KIF26B: variants seen among roughly 807,000 people sequenced by gnomAD.
KIF26B encodes kinesin family member 26B, also known as kinesin-like protein KIF26B.
KIF26B carries 63 observed loss-of-function variants against 151.2 expected under a neutral mutation model. The observed-to-expected ratio is 0.42, with a 90% CI of 0.34 to 0.51. The LOEUF is 0.51. KIF26B is among the 20% of genes least tolerant of loss of function. KIF26B has a pLI of 0.07. For missense variants in KIF26B, 2,813 were observed against 2,913.6 expected (o/e 0.97, Z 0.79); for synonymous variants, 1,357 against 1,262.1 (o/e 1.08, Z -1.59).
At chr1:245,535,294 A>G (rs536716369) in intron 4 of KIF26B, among the ~76,000 whole-genome samples, 1 of 152,226 alleles carries the variant, frequency 6.6e-6, no homozygotes, top group Admixed American at 6.5e-5. Context: ...ATAAAATGCT[A>G]TTATAGAATC....
intron 9 of KIF26B, among the ~76,000 whole-genome samples, chr1:245,620,409 T>A (rs2043645324): frequency 6.6e-6 from 1 of 152,044 alleles, no homozygotes. Context: ...AAAAAAAATT[T>A]TTTTTTTTGA....
chr1:245,565,491 C>T (rs2043000961), intron 5 of KIF26B, among the ~76,000 whole-genome samples: 1 of 152,022 alleles, frequency 6.6e-6, no homozygotes. Context: ...GGTCTCACTA[C>T]GTTGGCCAGG....
rs112217534 is a variant in KIF26B, at chr1:245,502,548, A to G, written c.1167-38219A>G. 6.3e-3 allele frequency among the ~76,000 whole-genome samples: 949 copies of G among 149,692 alleles called. 7 individuals are homozygous for G. Among genetic ancestry groups the G allele is most frequent in the Non-Finnish European group, 9.2e-3 (621 of 67,332 alleles). ...CTGTCTCAAAAAAAAAAAAAAAAAAAAAGAAGAAGAAGAGGCAACACTTGT... is the reference window on the plus strand; with the variant it reads ...CTGTCTCAAAAAAAAAAAAAAAAAAGAAGAAGAAGAAGAGGCAACACTTGT... On this transcript the variant is annotated intron_variant, in intron 4 of 14. Transcript: ENST00000407071.
At chr1:245,431,215 G>A (rs764148502) in intron 4 of KIF26B, among the ~76,000 whole-genome samples, 19 of 152,276 alleles carry the variant, frequency 1.2e-4, no homozygotes, top group Non-Finnish European at 2.1e-4. Context: ...GTCTCGCTCC[G>A]TCGCCCAGGC....
At chr1:245,474,240 C>T (rs1474356672) in intron 4 of KIF26B, among the ~76,000 whole-genome samples, 1 of 150,580 alleles carries the variant, frequency 6.6e-6, no homozygotes, top group Non-Finnish European at 1.5e-5. Context: ...TCCCGAGTGG[C>T]TGGGACTACA....
chr1:245,623,157 G>A (rs924719752), intron 9 of KIF26B, among the ~76,000 whole-genome samples: 17 of 147,832 alleles, frequency 1.1e-4, no homozygotes, highest in African/African-American at 2.2e-4. Context: ...CTATGAAACC[G>A]TCCTCAATCA....
chr1:245,435,053 C>CCA, intron 4 of KIF26B, among the ~76,000 whole-genome samples: 1 of 132,430 alleles, frequency 7.6e-6, no homozygotes. Context: ...CCATCCATCT[C>CCA]TCCATCCATC....
intron 2 of KIF26B, among the ~76,000 whole-genome samples, chr1:245,254,118 G>GT (rs1206552495): frequency 6.6e-6 from 1 of 151,842 alleles, no homozygotes; most frequent in Non-Finnish European, 1.5e-5. Context: ...CTGAAGTGCT[G>GT]TTTTTTTTCT....
intron 9 of KIF26B, among the ~76,000 whole-genome samples, chr1:245,635,006 C>T (rs1398302148): frequency 6.6e-6 from 1 of 151,828 alleles, no homozygotes; most frequent in Non-Finnish European, 1.5e-5. Context: ...CATGCCTAGC[C>T]CTAGATACAA....
At position 245,702,680 on chromosome 1, in the gene KIF26B, T is replaced by C. The variant is rs544093911; in HGVS notation, c.*74T>C. The C allele has an allele frequency of 6.8e-7, 1 of 1,460,254 alleles. No individual in the cohort carries two copies. Among genetic ancestry groups the C allele is most frequent in the East Asian group, 2.3e-5 (1 of 43,530 alleles). The allele number at this position is 1,460,254 out of a possible 1,614,324, so 90.5% of individuals were successfully genotyped here. Reference sequence around the variant, plus strand: ...AGATGTTGCACGCCCCTAGGCCCTCTGTGCTGGGGCATCAAAGACAATGAA... The same window carrying C: ...AGATGTTGCACGCCCCTAGGCCCTCCGTGCTGGGGCATCAAAGACAATGAA... On this transcript the variant is annotated 3_prime_UTR_variant, in exon 15 of 15. Transcript: ENST00000407071. This position sits in a 1 kb window ranked among gnomAD's most constrained non-coding sequence, Gnocchi z 4.1.
intron 4 of KIF26B, among the ~76,000 whole-genome samples, chr1:245,500,577 G>A (rs1660600078): frequency 6.6e-6 from 1 of 152,214 alleles, no homozygotes; most frequent in Admixed American, 6.5e-5. Context: ...AAATTGGCAA[G>A]CGTTTCATCT....
intron 4 of KIF26B, among the ~76,000 whole-genome samples, chr1:245,525,835 TTA>T (rs1284857984): frequency 6.6e-6 from 1 of 152,226 alleles, no homozygotes; most frequent in East Asian, 1.9e-4. Context: ...TGTTGTAGAA[TTA>T]GTTATAATTA....
chr1:245,691,235 CGT>C (rs74961956), intron 12 of KIF26B, among the ~76,000 whole-genome samples: 7,427 of 152,272 alleles, frequency 0.049, 289 homozygotes, highest in African/African-American at 0.095. Flanking sequence ...GAAAAACAAA[CGT>C]GTGAAGTGAC....
chr1:245,534,098 T>C (rs1268788888), intron 4 of KIF26B, among the ~76,000 whole-genome samples: 1 of 151,986 alleles, frequency 6.6e-6, no homozygotes, highest in East Asian at 1.9e-4. Context: ...TACTGGGACA[T>C]TCTAGCCAAG....
At chr1:245,301,232 G>A (rs1034294989) in intron 2 of KIF26B, among the ~76,000 whole-genome samples, 3 of 152,216 alleles carry the variant, frequency 2.0e-5, no homozygotes, top group Non-Finnish European at 4.4e-5. Flanking sequence ...CCTGCCGCAT[G>A]CAGGAGTGGA....
chr1:245,268,114 G>C (rs956092822), intron 2 of KIF26B, among the ~76,000 whole-genome samples: 1 of 152,060 alleles, frequency 6.6e-6, no homozygotes, highest in Non-Finnish European at 1.5e-5. Flanking sequence ...TGAGGCTGCA[G>C]TGAGCCATGA....
intron 4 of KIF26B, among the ~76,000 whole-genome samples, chr1:245,532,882 C>T (rs564560348): frequency 5.3e-5 from 8 of 152,292 alleles, no homozygotes; most frequent in South Asian, 2.1e-4. Context: ...ATTCCCGATA[C>T]GGAGAAGTTC....
intron 3 of KIF26B, among the ~76,000 whole-genome samples, chr1:245,397,109 G>T (rs537504587): frequency 6.0e-5 from 9 of 151,100 alleles, no homozygotes; most frequent in Non-Finnish European, 1.2e-4. Context: ...ATAGGCATGC[G>T]CCACCACGCC....
intron 14 of KIF26B, among the ~76,000 whole-genome samples, chr1:245,699,501 A>T (rs1488322638): frequency 6.6e-6 from 1 of 152,162 alleles, no homozygotes; most frequent in Non-Finnish European, 1.5e-5. Context: ...GTGGAAAAAA[A>T]AAAAAAAAGA....
Sources: gnomAD v4.1 joint callset for allele counts (sites outside exome capture counted in the v4.1 genomes callset) on GRCh38, gnomAD v4.1.1 for gene constraint, Gnocchi (gnomAD v3.1) non-coding constraint, MANE v1.5 for transcripts, NCBI Gene and HGNC (gene_info 2026-07-23, HGNC 2026-07-21) for gene names.